RUNX1T1: variants seen among roughly 807,000 people sequenced by gnomAD.
RUNX1T1 encodes protein CBFA2T1.
In RUNX1T1, 4 loss-of-function variants were observed where a neutral mutation model predicts 62.8. The ratio of observed to expected loss-of-function variants is 0.06; its 90% CI spans 0.03 to 0.15. The LOEUF (loss-of-function observed/expected upper bound fraction) is 0.15. RUNX1T1 is among the 10% of genes least tolerant of loss of function. RUNX1T1 has a pLI of 1.00. For synonymous variants in RUNX1T1, 291 were observed against 286.0 expected (o/e 1.02, Z -0.18); for missense variants, 508 against 754.3 (o/e 0.67, Z 3.82).
chr8:91,970,779 C>T (rs774408067), exon 10 of RUNX1T1: 22 of 1,613,312 alleles, frequency 1.4e-5, no homozygotes, highest in Middle Eastern at 3.3e-4. Context: ...GTGGGCTTTC[C>T]GCTCCGCCTC....
chr8:92,017,676 T>C (rs1266215237), intron 1 of RUNX1T1: 1 of 1,241,308 alleles, frequency 8.1e-7, no homozygotes, highest in Non-Finnish European at 1.0e-6. Flanking sequence ...AAGCCAATGT[T>C]AGCAAGAGGT....
chr8:92,026,652 T>C (rs1277279213), intron 1 of RUNX1T1, among the ~76,000 whole-genome samples: 2 of 151,124 alleles, frequency 1.3e-5, no homozygotes, highest in Non-Finnish European at 2.9e-5. Context: ...AAACCCCGTC[T>C]CTACGAAAAA....
chr8:92,040,903 C>A (rs1342908267), intron 1 of RUNX1T1, among the ~76,000 whole-genome samples: 7 of 151,986 alleles, frequency 4.6e-5, no homozygotes, highest in Non-Finnish European at 4.4e-5. Flanking sequence ...AATACGAGGT[C>A]TTACTCTGTT....
At chr8:91,960,895 CAG>C (rs1330300980) in intron 10 of RUNX1T1, among the ~76,000 whole-genome samples, 1 of 152,212 alleles carries the variant, frequency 6.6e-6, no homozygotes, top group African/African-American at 2.4e-5. Flanking sequence ...TAGTCAGACA[CAG>C]AGATATATCT....
chr8:92,050,552 G>A (rs1421735409), intron 1 of RUNX1T1, among the ~76,000 whole-genome samples: 1 of 152,184 alleles, frequency 6.6e-6, no homozygotes, highest in East Asian at 1.9e-4. Flanking sequence ...TTCAACGGAT[G>A]AGAAACATAC....
chr8:92,033,176 G>A (rs1248519478), intron 1 of RUNX1T1, among the ~76,000 whole-genome samples: 2 of 152,050 alleles, frequency 1.3e-5, no homozygotes, highest in Non-Finnish European at 2.9e-5. Flanking sequence ...AATTCATAAT[G>A]AGGAAACTGG....
At chr8:92,097,346 AAATTT>A (rs1481889118) in intron 1 of RUNX1T1, among the ~76,000 whole-genome samples, 2 of 152,226 alleles carry the variant, frequency 1.3e-5, no homozygotes, top group African/African-American at 4.8e-5. Context: ...TACATGTTTT[AAATTT>A]AATAACAGAT....
chr8:91,987,079 G>A (rs997258571), intron 6 of RUNX1T1, 107 bp from the exon 8 acceptor site: 9 of 754,738 alleles, frequency 1.2e-5, no homozygotes, highest in African/African-American at 5.1e-5. Context: ...GTAAAAATAC[G>A]TTTGATTTTG....
downstream of RUNX1T1, chr8:91,958,875 AAG>A (rs58835752): frequency 0.024 from 4,643 of 195,416 alleles, 238 homozygotes; most frequent in African/African-American, 0.1. Flanking sequence ...AAAATCCTAT[AAG>A]AGAGTGAAAT....
intron 1 of RUNX1T1, among the ~76,000 whole-genome samples, chr8:92,088,906 C>T (rs879718466): frequency 3.9e-5 from 6 of 152,178 alleles, no homozygotes; most frequent in East Asian, 1.9e-4. Context: ...GTACCAACTA[C>T]GAGTTCACTG....
At chr8:91,960,180 G>C in exon 11 of RUNX1T1, 1 of 1,523,984 alleles carries the variant, frequency 6.6e-7, no homozygotes, top group Non-Finnish European at 8.9e-7. Flanking sequence ...GAGCATCTGA[G>C]GATGAGGAAT....
At chr8:92,094,720 A>C (rs1351335896) in intron 1 of RUNX1T1, among the ~76,000 whole-genome samples, 19 of 152,186 alleles carry the variant, frequency 1.2e-4, no homozygotes. Context: ...ACTCCTGTTA[A>C]ATCAGGGAGG....
intron 5 of RUNX1T1, among the ~76,000 whole-genome samples, chr8:92,002,105 T>A (rs28611109): frequency 0.029 from 4,454 of 152,286 alleles, 221 homozygotes; most frequent in African/African-American, 0.099. Flanking sequence ...ATGTTTACTA[T>A]AAATGACGTT....
intron 2 of RUNX1T1, 34 bp downstream of exon 2, chr8:92,075,931 A>C: frequency 6.4e-7 from 1 of 1,571,310 alleles, no homozygotes; most frequent in Non-Finnish European, 8.6e-7. Flanking sequence ...TACGTAAGTA[A>C]ATTGCAAAAT....
At chr8:92,062,549 G>T (rs757061048) in exon 1 of RUNX1T1, 1 of 1,613,924 alleles carries the variant, frequency 6.2e-7, no homozygotes, top group Non-Finnish European at 8.5e-7. Context: ...AACTCACCAG[G>T]CATCCTTGAA....
intron 2 of RUNX1T1, among the ~76,000 whole-genome samples, chr8:92,069,464 C>G (rs1833363236): frequency 6.6e-6 from 1 of 152,050 alleles, no homozygotes; most frequent in African/African-American, 2.4e-5. Context: ...GGACTTTCAT[C>G]TCTAATAAAT....
chr8:91,977,134 T>A (rs1244877140), intron 8 of RUNX1T1: 1 of 196,514 alleles, frequency 5.1e-6, no homozygotes, highest in Admixed American at 6.1e-5. Context: ...TACATTTGAA[T>A]GCTTTGAATT....
chr8:92,099,546 A>T, intron 1 of RUNX1T1: 1 of 815,786 alleles, frequency 1.2e-6, no homozygotes, highest in Non-Finnish European at 1.5e-6. Context: ...AGCAACAAAT[A>T]AATAGCCTTT....
chr8:92,035,015 C>G (rs1171758836), intron 1 of RUNX1T1, among the ~76,000 whole-genome samples: 1 of 152,032 alleles, frequency 6.6e-6, no homozygotes, highest in Non-Finnish European at 1.5e-5. Context: ...ATGGGATAGG[C>G]TGGTACAGTG....
Sources: allele counts gnomAD v4.1 joint callset (sites outside exome capture counted in the v4.1 genomes callset), GRCh38; gene constraint gnomAD v4.1.1; transcripts MANE v1.5; gene names NCBI Gene and HGNC (gene_info 2026-07-23, HGNC 2026-07-21).